Variants in EXOSC9 observed in about 807,000 individuals in gnomAD.
The protein encoded by EXOSC9 is exosome component 9.
EXOSC9 carries 38 observed loss-of-function variants against 56.5 expected under a neutral mutation model. That is an observed-to-expected ratio of 0.67 (90% CI 0.52 to 0.88). The LOEUF (loss-of-function observed/expected upper bound fraction) is 0.88. EXOSC9 is among the 40% of genes least tolerant of loss of function. The probability of loss-of-function intolerance (pLI) is 0.00; values close to 1 mark genes in which losing one functional copy is unlikely to be tolerated. For missense variants in EXOSC9, 559 were observed against 530.5 expected (o/e 1.05, Z -0.53); for synonymous variants, 170 against 170.8 (o/e 0.99, Z 0.04).
At chr4:121,810,143 C>T (rs1246637815) in intron 7 of EXOSC9, 44 bp downstream of exon 7, 1 of 1,550,692 alleles carries the variant, frequency 6.4e-7, no homozygotes, top group Non-Finnish European at 8.9e-7. Context: ...GGTTGCTTCT[C>T]TTTAGATGCT....
intron 5 of EXOSC9, among the ~76,000 whole-genome samples, chr4:121,805,879 C>T (rs1022080401): frequency 2.7e-5 from 4 of 150,346 alleles, no homozygotes; most frequent in African/African-American, 9.8e-5. Flanking sequence ...GATCTCGGCT[C>T]ACTGTAACCT....
In EXOSC9 at chr4:121,813,536, A is replaced by G. The variant is rs535566117; in HGVS notation, c.974+156A>G. 6.6e-5 allele frequency among the ~76,000 whole-genome samples: 10 copies of G among 150,430 alleles called. 1 individual carries two copies. In the South Asian group the frequency reaches 1.2e-3, roughly 19 times the overall value. On this transcript the variant is annotated intron_variant, in intron 9 of 11. Transcript: ENST00000243498. ...AAAATACAAGATAGAGATGTGAGTC[A>G]TATTCTGTTGATGGTATAACATTCA... is the stretch of plus-strand genomic sequence containing the variant.
intron 10 of EXOSC9, chr4:121,815,324 C>T: frequency 2.1e-6 from 2 of 964,854 alleles, no homozygotes; most frequent in Non-Finnish European, 2.5e-6. Flanking sequence ...CTTGCACTTG[C>T]ATATACCTCT....
In EXOSC9 at chr4:121,803,026, T is replaced by C. The variant is rs1726916368; in HGVS notation, c.384+9T>C. 3 of 1,563,550 alleles carry C rather than the reference T, an allele frequency of 1.9e-6. No individual in the cohort carries two copies. In the East Asian group the frequency reaches 6.7e-5, roughly 35 times the overall value. On this transcript the variant is annotated intron_variant, in intron 4 of 11. Transcript: ENST00000243498. ...TTGTTGCTGGTGAAAAGGTGGGGAA[T>C]ATGCCCATAATTCTTAATCTTAGGA...
In EXOSC9 at chr4:121,801,477, T is replaced by C; in HGVS notation, c.53T>C (p.Ile18Thr). Residue 18 changes from isoleucine to threonine, a missense_variant, in exon 1 of 12, where the codon ATC becomes ACC. Coordinates refer to ENST00000243498, the MANE Select transcript of EXOSC9 (RefSeq NM_005033.3). Reference sequence around the variant, plus strand: ...GAACGCCGCTTCCTACTCCGTGCCATCGAAGAGAAGAAGGTATGGTTTGGT... The same window carrying C: ...GAACGCCGCTTCCTACTCCGTGCCACCGAAGAGAAGAAGGTATGGTTTGGT... The part of the protein sequence containing the change: ...NCERRFLLRA[I>T]EEKKRLDGRQ... 6.2e-7 allele frequency: 1 copy of C among 1,614,194 alleles called. No homozygotes were observed. The highest frequency in any genetic ancestry group is 8.5e-7 in the Non-Finnish European group (1 of 1,180,016).
intron 4 of EXOSC9, among the ~76,000 whole-genome samples, chr4:121,803,552 T>A (rs965817324): frequency 6.6e-6 from 1 of 152,124 alleles, no homozygotes; most frequent in African/African-American, 2.4e-5. Context: ...TTTTGTTTTA[T>A]TTTTTTGAGA....
Position 121,801,509 on chromosome 4 carries a change from A to C in EXOSC9, c.66+19A>C, listed in dbSNP as rs1206335223. 2 of 1,613,232 alleles carry C rather than the reference A, an allele frequency of 1.2e-6. No individual in the cohort carries two copies. The highest frequency in any genetic ancestry group is 1.7e-6 in the Non-Finnish European group (2 of 1,179,272). On this transcript the variant is annotated intron_variant, in intron 1 of 11. Transcript: ENST00000243498. ...GAAGAAGGTATGGTTTGGTGCCCGC[A>C]GAATTGCGCGCTGCGTGGGCGCTCG...
intron 6 of EXOSC9, among the ~76,000 whole-genome samples, chr4:121,808,415 A>G (rs1560624834): frequency 1.3e-5 from 2 of 152,138 alleles, no homozygotes; most frequent in African/African-American, 2.4e-5. Flanking sequence ...TTTGGATTTC[A>G]GCAGCGTGAT....
chr4:121,801,436 G>A lies in EXOSC9; in HGVS notation c.12G>A (p.Thr4=). The change falls in exon 1 of 12, where the codon ACG becomes ACA. Residue 4 remains threonine (T), a synonymous_variant. Coordinates refer to ENST00000243498, the MANE Select transcript of EXOSC9 (RefSeq NM_005033.3). Reference sequence around the variant, plus strand: ...GGTGACCCAACACCATGAAGGAAACGCCACTCTCAAACTGCGAACGCCGCT... The same window carrying A: ...GGTGACCCAACACCATGAAGGAAACACCACTCTCAAACTGCGAACGCCGCT... MKE[T]PLSNCERRFL... is the part of the protein sequence containing the mutation. 1 of 1,614,148 alleles carries A rather than the reference G, an allele frequency of 6.2e-7. No homozygotes were observed. The highest frequency in any genetic ancestry group is 8.5e-7 in the Non-Finnish European group (1 of 1,179,996).
intron 6 of EXOSC9, among the ~76,000 whole-genome samples, chr4:121,808,092 C>T (rs1349770112): frequency 6.6e-6 from 1 of 152,112 alleles, no homozygotes; most frequent in East Asian, 1.9e-4. Context: ...TTAAGTTTTC[C>T]AGCGTTTTCA....
intron 5 of EXOSC9, 117 bp from the exon 6 acceptor site, chr4:121,807,423 T>C (rs957964087): frequency 5.7e-6 from 3 of 523,628 alleles, no homozygotes; most frequent in Non-Finnish European, 6.8e-6. Context: ...AAAGAAGTTA[T>C]TTAGGTACTC....
At chr4:121,801,800 A>G (rs1726873991) in intron 1 of EXOSC9, 27 bp from the exon 2 acceptor site, 1 of 1,574,272 alleles carries the variant, frequency 6.4e-7, no homozygotes, top group Non-Finnish European at 8.7e-7. Context: ...TGAAGGAATA[A>G]ATTAATGAAT....
chr4:121,802,944 G>T lies in EXOSC9; in HGVS notation c.311G>T (p.Arg104Leu). Residue 104 changes from arginine (R) to leucine (L), a missense_variant, in exon 4 of 12, where the codon CGA (arginine) becomes CTA (leucine). Transcript: ENST00000243498. ...TCAGATCTCTTGGTGAAGTTGAATC[G>T]ACTCATGGAAAGATGTCTAAGAAAT... ...RQSDLLVKLN[R>L]LMERCLRNSK... 1.2e-6 allele frequency: 2 copies of T among 1,613,860 alleles called. No individual in the cohort carries two copies. The highest frequency in any genetic ancestry group is 2.2e-5 in the South Asian group (2 of 91,012).
chr4:121,813,620 A>G (rs1023648261), intron 9 of EXOSC9: 2 of 537,166 alleles, frequency 3.7e-6, no homozygotes, highest in Non-Finnish European at 6.5e-6. Flanking sequence ...ATTTAGTACT[A>G]TAACTAAAAT....
rs916530230 is a variant in EXOSC9, at chr4:121,813,323, C to T, written c.917C>T (p.Ser306Leu). The change falls in exon 9 of 12, where the codon TCG becomes TTG. Residue 306 changes from serine to leucine, a missense_variant. Physicochemically the swap from Ser to Leu is moderately radical, Grantham distance 145. Coordinates refer to ENST00000243498, the MANE Select transcript of EXOSC9 (RefSeq NM_005033.3). ...ATGGAAAAGGCCCCTATTGATACCT[C>T]GGATGTAGAAGAAAAAGCAGAAGAA... is the stretch of plus-strand genomic sequence containing the variant. ...FKMEKAPIDT[S>L]DVEEKAEEII... is the part of the protein sequence containing the mutation. 9.9e-6 allele frequency: 16 copies of T among 1,613,346 alleles called. No individual in the cohort carries two copies. The highest frequency in any genetic ancestry group is 8.9e-5 in the East Asian group (4 of 44,842).
intron 5 of EXOSC9, among the ~76,000 whole-genome samples, chr4:121,806,339 A>G (rs1727022020): frequency 6.6e-6 from 1 of 152,000 alleles, no homozygotes; most frequent in Non-Finnish European, 1.5e-5. Flanking sequence ...TTTAGTAGAG[A>G]CAGGGTTTCT....
At chr4:121,813,201 C>T (rs1560627260) in intron 8 of EXOSC9, 33 bp from the exon 9 acceptor site, 2 of 1,585,796 alleles carry the variant, frequency 1.3e-6, no homozygotes, top group Non-Finnish European at 1.7e-6. Context: ...CTTCCTCCCC[C>T]TTCCTTCCCA....
intron 8 of EXOSC9, among the ~76,000 whole-genome samples, chr4:121,812,065 G>A (rs1727228287): frequency 6.6e-6 from 1 of 152,130 alleles, no homozygotes; most frequent in Non-Finnish European, 1.5e-5. Flanking sequence ...TTAGGTTCAC[G>A]TTTTTTACTT....
intron 6 of EXOSC9, 150 bp downstream of exon 6, chr4:121,807,772 T>C (rs906392454): frequency 4.8e-6 from 3 of 621,134 alleles, no homozygotes; most frequent in Non-Finnish European, 8.7e-6. Flanking sequence ...GGGCATTAGT[T>C]GGCAAAGAAC....
Sources: gnomAD v4.1 joint callset for allele counts (sites outside exome capture counted in the v4.1 genomes callset) on GRCh38, gnomAD v4.1.1 for gene constraint, MANE v1.5 for transcripts, NCBI Gene and HGNC (gene_info 2026-07-23, HGNC 2026-07-21) for gene names.